Variants in POLK observed in about 807,000 individuals in gnomAD.
POLK encodes the protein polymerase (DNA directed) kappa.
In POLK, 76 loss-of-function variants were observed where a neutral mutation model predicts 94.0. That is an observed-to-expected ratio of 0.81 (90% CI 0.67 to 0.98). POLK has a LOEUF of 0.98. POLK is among the 50% of genes least tolerant of loss of function. POLK has a pLI of 0.00. For missense variants in POLK, 954 were observed against 1,010.1 expected, an observed-to-expected ratio of 0.94 and a Z score of 0.75; for synonymous variants, 349 against 325.4, an observed-to-expected ratio of 1.07 and a Z score of -0.78.
At chr5:75,515,386 C>T (rs1272890004) in intron 1 of POLK, among the ~76,000 whole-genome samples, 2 of 152,098 alleles carry the variant, frequency 1.3e-5, no homozygotes, top group Non-Finnish European at 2.9e-5. Flanking sequence ...AGGGAGGCCT[C>T]AAGCAATCCT....
chr5:75,554,166 G>T (rs1327949240), intron 3 of POLK, among the ~76,000 whole-genome samples: 1 of 152,158 alleles, frequency 6.6e-6, no homozygotes, highest in Non-Finnish European at 1.5e-5. Context: ...ACACCTAACT[G>T]CAGGAGAAGC....
At chr5:75,593,099 G>T (rs191893705) in intron 11 of POLK, among the ~76,000 whole-genome samples, 1 of 152,156 alleles carries the variant, frequency 6.6e-6, no homozygotes, top group Admixed American at 6.5e-5. Flanking sequence ...TTTGGAAAGG[G>T]AAGTAAACGT....
At chr5:75,551,907 C>T (rs1770355497) in intron 2 of POLK, among the ~76,000 whole-genome samples, 1 of 152,134 alleles carries the variant, frequency 6.6e-6, no homozygotes, top group Non-Finnish European at 1.5e-5. Flanking sequence ...CACATGAAAA[C>T]TTGTCCACAA....
intron 12 of POLK, among the ~76,000 whole-genome samples, chr5:75,594,787 C>T (rs1213695332): frequency 2.0e-5 from 3 of 152,166 alleles, no homozygotes; most frequent in Non-Finnish European, 4.4e-5. Context: ...CATCTCCAGC[C>T]ACTACATGGT....
At chr5:75,587,841 A>G (rs2112851152) in intron 10 of POLK, among the ~76,000 whole-genome samples, 1 of 152,224 alleles carries the variant, frequency 6.6e-6, no homozygotes, top group East Asian at 1.9e-4. Flanking sequence ...AATTGAACCC[A>G]GGAGGTGGAG....
intron 6 of POLK, among the ~76,000 whole-genome samples, chr5:75,578,581 A>C (rs1472611058): frequency 6.6e-6 from 1 of 152,206 alleles, no homozygotes; most frequent in Non-Finnish European, 1.5e-5. Context: ...ATATTCTTAA[A>C]CAATTGGAAT....
chr5:75,552,736 C>A, intron 3 of POLK, 145 bp downstream of exon 3: 1 of 831,042 alleles, frequency 1.2e-6, no homozygotes, highest in Non-Finnish European at 1.9e-6. Context: ...AATGAACATA[C>A]TTTACTTTGC....
At chr5:75,595,440 G>A (rs963889723) in intron 12 of POLK, among the ~76,000 whole-genome samples, 6 of 151,930 alleles carry the variant, frequency 3.9e-5, no homozygotes, top group East Asian at 3.9e-4. Flanking sequence ...GAAAAGACAC[G>A]AATGAAACTT....
chr5:75,510,965 C>T, upstream of POLK: 2 of 1,144,228 alleles, frequency 1.7e-6, no homozygotes, highest in South Asian at 3.6e-5. Context: ...CCTATATCCC[C>T]GCCTCATCCC....
upstream of POLK, chr5:75,511,484 G>C: frequency 6.7e-7 from 1 of 1,502,526 alleles, no homozygotes; most frequent in African/African-American, 1.4e-5. Flanking sequence ...TGCGCCCGGC[G>C]CTGCCACCCG....
At chr5:75,566,463 T>C (rs375202849) in intron 3 of POLK, among the ~76,000 whole-genome samples, 1 of 152,076 alleles carries the variant, frequency 6.6e-6, no homozygotes, top group African/African-American at 2.4e-5. Flanking sequence ...GGCCGCCCAG[T>C]TTTGTGCTTG....
At position 75,577,372 on chromosome 5, in the gene POLK, T is replaced by TA. The variant is rs530943405; in HGVS notation, c.694+440dup. Among the ~76,000 whole-genome samples, 105 of 152,314 alleles carry TA rather than the reference T, an allele frequency of 6.9e-4. 1 individual carries two copies. The highest frequency in any genetic ancestry group is 2.5e-3 in the African/African-American group (102 of 41,574). ...TCCTAATTTTCTATAATCTAATTAT[T>TA]ATAGCAATTATGACTGTTTTTAGCT... On this transcript the variant is annotated intron_variant, in intron 6 of 14. Coordinates refer to ENST00000241436, the Ensembl canonical transcript of POLK.
chr5:75,569,531 G>A lies in POLK; in HGVS notation c.408+39G>A, dbSNP rs371110863. 30 of 1,524,034 alleles carry A rather than the reference G, an allele frequency of 2.0e-5. No individual in the cohort carries two copies. In the African/African-American group the frequency reaches 2.1e-4, roughly 11 times the overall value. 94.4% of individuals were successfully genotyped at this position (1,524,034 alleles called of 1,614,324 possible). ...AAATACAAAAAGGAAATTTTATAAC[G>A]TACTCAAGTAAGCTTTACTGTTTCA... On this transcript the variant is annotated intron_variant, in intron 4 of 14. Coordinates refer to ENST00000241436, the Ensembl canonical transcript of POLK.
intron 3 of POLK, among the ~76,000 whole-genome samples, chr5:75,554,603 G>A (rs5744622): frequency 0.012 from 1,871 of 151,992 alleles, 43 homozygotes; most frequent in African/African-American, 0.043. Context: ...TGTCACCCAG[G>A]CATTAAGCGT....
chr5:75,550,588 T>TA (rs1010725810), intron 2 of POLK, among the ~76,000 whole-genome samples: 5 of 150,530 alleles, frequency 3.3e-5, no homozygotes, highest in African/African-American at 9.8e-5. Context: ...CAGAAAAAGA[T>TA]AAAAAAAAGA....
intron 1 of POLK, among the ~76,000 whole-genome samples, chr5:75,525,553 G>C (rs1257856409): frequency 6.6e-6 from 1 of 152,130 alleles, no homozygotes; most frequent in Non-Finnish European, 1.5e-5. Context: ...CAGCAAAGGA[G>C]TAATAACAGG....
At chr5:75,551,587 A>G (rs373218405) in intron 2 of POLK, among the ~76,000 whole-genome samples, 4 of 152,334 alleles carry the variant, frequency 2.6e-5, no homozygotes, top group East Asian at 1.9e-4. Context: ...AAGATATACA[A>G]ATGACTCTAG....
intron 1 of POLK, among the ~76,000 whole-genome samples, chr5:75,531,279 TG>T (rs1018649967): frequency 1.4e-4 from 21 of 149,440 alleles, no homozygotes; most frequent in African/African-American, 4.9e-4. Context: ...TATAGTATAT[TG>T]TTTATATACT....
chr5:75,566,283 G>A (rs559540230), intron 3 of POLK, among the ~76,000 whole-genome samples: 1 of 152,352 alleles, frequency 6.6e-6, no homozygotes, highest in African/African-American at 2.4e-5. Flanking sequence ...TCAAGCCAGT[G>A]GATCTTAGCT....
Sources: gnomAD v4.1 joint callset for allele counts (sites outside exome capture counted in the v4.1 genomes callset) on GRCh38, gnomAD v4.1.1 for gene constraint, MANE v1.5 for transcripts, NCBI Gene and HGNC (gene_info 2026-07-23, HGNC 2026-07-21) for gene names.